Variants in CNTN5 observed in about 807,000 individuals in gnomAD.
CNTN5 encodes contactin-5.
CNTN5 carries 77 observed loss-of-function variants against 129.1 expected under a neutral mutation model. The observed-to-expected ratio is 0.60, with a 90% confidence interval of 0.50 to 0.72. CNTN5 has a LOEUF of 0.72. Ranked by LOEUF, CNTN5 falls within the 30% of genes least tolerant of loss-of-function variation. CNTN5 has a pLI of 0.00. For synonymous variants in CNTN5, 509 were observed against 465.6 expected, an observed-to-expected ratio of 1.09 and a Z score of -1.20; for missense variants, 1,478 against 1,328.8, an observed-to-expected ratio of 1.11 and a Z score of -1.75.
intron 2 of CNTN5, among the ~76,000 whole-genome samples, chr11:99,439,424 A>G (rs1251608609): frequency 6.6e-6 from 1 of 152,088 alleles, no homozygotes; most frequent in Admixed American, 6.6e-5. Flanking sequence ...TTAGAAATAC[A>G]TAGACAGGCG....
At chr11:99,078,156 A>G (rs929384080) in intron 1 of CNTN5, among the ~76,000 whole-genome samples, 4 of 152,212 alleles carry the variant, frequency 2.6e-5, no homozygotes, top group Non-Finnish European at 5.9e-5. Context: ...TTCCTTGTTC[A>G]TATTAGTAAT....
At chr11:99,558,815 G>A (rs1948752462) in intron 3 of CNTN5, among the ~76,000 whole-genome samples, 1 of 152,068 alleles carries the variant, frequency 6.6e-6, no homozygotes, top group African/African-American at 2.4e-5. Context: ...CAAAGGTCAT[G>A]TACAATTGCT....
chr11:100,124,822 CA>C (rs1946132111), intron 13 of CNTN5, among the ~76,000 whole-genome samples: 2 of 151,964 alleles, frequency 1.3e-5, no homozygotes. Context: ...AACTGTGTAC[CA>C]ATAAATTGCT....
chr11:99,772,863 G>C (rs1336575125), intron 3 of CNTN5, among the ~76,000 whole-genome samples: 2 of 152,042 alleles, frequency 1.3e-5, no homozygotes, highest in African/African-American at 4.8e-5. Context: ...AAAGCTGGAT[G>C]GGATTGTAGA....
chr11:99,287,140 T>G (rs17660816), intron 1 of CNTN5, among the ~76,000 whole-genome samples: 14,493 of 152,144 alleles, frequency 0.095, 743 homozygotes, highest in South Asian at 0.14. Flanking sequence ...TTGGAAACAT[T>G]TAAAGCAGAA....
Position 100,255,754 on chromosome 11 carries a change from C to G in CNTN5, c.2006-6C>G, listed in dbSNP as rs538574243. On this transcript the variant is annotated splice_polypyrimidine_tract_variant and splice_region_variant and intron_variant, in intron 16 of 24. Transcript: ENST00000524871. Reference sequence around the variant, plus strand: ...CTTAACTTTATCCATTGCCTTTGACCTATAGGACCCCCAGGCCCACCTGGG... The same window carrying G: ...CTTAACTTTATCCATTGCCTTTGACGTATAGGACCCCCAGGCCCACCTGGG... The G allele has an allele frequency of 1.2e-6, 2 of 1,613,106 alleles. No individual in the cohort carries two copies. The highest frequency in any genetic ancestry group is 4.5e-5 in the East Asian group (2 of 44,864).
chr11:99,834,994 G>T (rs1947257772), intron 4 of CNTN5, among the ~76,000 whole-genome samples: 1 of 152,116 alleles, frequency 6.6e-6, no homozygotes, highest in Non-Finnish European at 1.5e-5. Context: ...CTTCTTATAT[G>T]TCTACCTTCC....
At chr11:99,812,944 T>C (rs1946474017) in intron 3 of CNTN5, among the ~76,000 whole-genome samples, 1 of 152,096 alleles carries the variant, frequency 6.6e-6, no homozygotes, top group Non-Finnish European at 1.5e-5. Context: ...GTTTTATAAA[T>C]TTTTAGAATA....
chr11:100,161,830 T>TACACACACAC (rs71050053), intron 13 of CNTN5, among the ~76,000 whole-genome samples: 5,411 of 125,740 alleles, frequency 0.043, 164 homozygotes, highest in South Asian at 0.061. Flanking sequence ...TGGAGCTTCC[T>TACACACACAC]ACACACACAC....
intron 1 of CNTN5, among the ~76,000 whole-genome samples, chr11:99,078,069 A>C (rs1363532112): frequency 6.6e-6 from 1 of 152,172 alleles, no homozygotes; most frequent in Non-Finnish European, 1.5e-5. Context: ...GTTAAATTTC[A>C]ATTCAATTAT....
rs185467074 is a variant in CNTN5 at position 100,289,095 on chromosome 11, T to G, written c.2315-8530T>G. Among the ~76,000 whole-genome samples the G allele has an allele frequency of 4.0e-3, 609 of 152,022 alleles. 3 individuals are homozygous for G. The highest frequency in any genetic ancestry group is 0.024 in the Middle Eastern group (7 of 294). On this transcript the variant is annotated intron_variant, in intron 18 of 24. Transcript: ENST00000524871. Reference sequence around the variant, plus strand: ...ATCTCTGAACAGACCAATAACAGGATCTGAAATTGTGGCAATAATCAATAG... The same window carrying G: ...ATCTCTGAACAGACCAATAACAGGAGCTGAAATTGTGGCAATAATCAATAG...
At chr11:99,095,546 G>A (rs1197117939) in intron 1 of CNTN5, among the ~76,000 whole-genome samples, 2 of 151,906 alleles carry the variant, frequency 1.3e-5, no homozygotes, top group East Asian at 3.9e-4. Context: ...AGCTAAGAAA[G>A]AGTAAGGGCA....
chr11:99,257,338 T>A (rs1478043513), intron 1 of CNTN5, among the ~76,000 whole-genome samples: 1 of 152,136 alleles, frequency 6.6e-6, no homozygotes, highest in Non-Finnish European at 1.5e-5. Flanking sequence ...TTGCTCAACG[T>A]TGCACAACCT....
At chr11:99,266,237 T>C (rs1862880266) in intron 1 of CNTN5, among the ~76,000 whole-genome samples, 1 of 152,126 alleles carries the variant, frequency 6.6e-6, no homozygotes, top group African/African-American at 2.4e-5. Context: ...TAAAAATGCA[T>C]TATAACATCT....
intron 17 of CNTN5, among the ~76,000 whole-genome samples, chr11:100,257,000 C>G (rs562535124): frequency 1.3e-5 from 2 of 152,254 alleles, no homozygotes; most frequent in East Asian, 1.9e-4. Flanking sequence ...GCCAAGTGGT[C>G]TAGCTCAGCA....
intron 1 of CNTN5, among the ~76,000 whole-genome samples, chr11:99,113,710 C>T: frequency 6.6e-6 from 1 of 152,066 alleles, no homozygotes; most frequent in East Asian, 1.9e-4. Context: ...AATTTTCTAC[C>T]ATAACTCTAG....
chr11:99,038,214 G>C (rs1478636162), intron 1 of CNTN5, among the ~76,000 whole-genome samples: 1 of 152,060 alleles, frequency 6.6e-6, no homozygotes, highest in Non-Finnish European at 1.5e-5. Context: ...CCAAGCTGTA[G>C]TTCCCTAATT....
At chr11:99,601,498 T>A (rs909331960) in intron 3 of CNTN5, among the ~76,000 whole-genome samples, 2 of 152,182 alleles carry the variant, frequency 1.3e-5, no homozygotes, top group African/African-American at 4.8e-5. Context: ...CCTAGAAATA[T>A]CCCTTGAGAG....
rs185312920 is a variant in CNTN5 at position 99,323,391 on chromosome 11, G to T, written c.-209-1955G>T. ...CTTCTAAGAAGCAAACTTGAAACTT[G>T]AGGAAGGAATTGGAAAATGACAACC... On this transcript the variant is annotated intron_variant, in intron 1 of 24. Transcript: ENST00000524871. Among the ~76,000 whole-genome samples, 49 of 152,212 alleles carry T rather than the reference G, an allele frequency of 3.2e-4. 1 individual carries two copies. The East Asian group carries it at 4.8e-3, about 15-fold the overall frequency.
Sources: gnomAD v4.1 joint callset for allele counts (sites outside exome capture counted in the v4.1 genomes callset) on GRCh38, gnomAD v4.1.1 for gene constraint, MANE v1.5 for transcripts, NCBI Gene and HGNC (gene_info 2026-07-23, HGNC 2026-07-21) for gene names.